CADPS2: variants seen among roughly 807,000 people sequenced by gnomAD.
The protein encoded by CADPS2 is calcium dependent secretion activator 2, also known as calcium-dependent secretion activator 2.
CADPS2 carries 93 observed loss-of-function variants against 172.5 expected under a neutral mutation model. That is an observed-to-expected ratio of 0.54 (90% CI 0.46 to 0.64). CADPS2 has a LOEUF of 0.64. Ranked by LOEUF, CADPS2 falls within the 30% of genes least tolerant of loss-of-function variation. CADPS2 has a pLI of 0.00. For missense variants in CADPS2, 1,420 were observed against 1,565.9 expected (o/e 0.91, Z 1.57); for synonymous variants, 546 against 555.2 (o/e 0.98, Z 0.23).
At chr7:122,770,882 G>A (rs891986848) in intron 1 of CADPS2, among the ~76,000 whole-genome samples, 5 of 152,198 alleles carry the variant, frequency 3.3e-5, no homozygotes, top group Non-Finnish European at 7.3e-5. Context: ...GGCGTCAAGT[G>A]ACGAAGCAGG....
At chr7:122,820,522 C>CCAAA (rs1212228515) in intron 1 of CADPS2, among the ~76,000 whole-genome samples, 2 of 143,946 alleles carry the variant, frequency 1.4e-5, no homozygotes, top group Admixed American at 1.4e-4. Flanking sequence ...GCCTTTCTGT[C>CCAAA]CAAACAACTT....
chr7:122,863,830 G>A (rs1239215502), intron 1 of CADPS2, among the ~76,000 whole-genome samples: 1 of 152,180 alleles, frequency 6.6e-6, no homozygotes, highest in Non-Finnish European at 1.5e-5. Context: ...AGGCATTTGA[G>A]AACAGCCTGG....
At chr7:122,353,998 C>T (rs908901065) in intron 27 of CADPS2, among the ~76,000 whole-genome samples, 41 of 150,956 alleles carry the variant, frequency 2.7e-4, no homozygotes, top group East Asian at 3.9e-4. Context: ...AGTCAGATTT[C>T]TTTTTTTTTC....
chr7:122,392,578 CA>C (rs1337808490), intron 22 of CADPS2, among the ~76,000 whole-genome samples: 1 of 151,984 alleles, frequency 6.6e-6, no homozygotes. Context: ...CTGCAATAGG[CA>C]AGCTCATCAT....
chr7:122,531,471 C>T (rs1425728949), intron 8 of CADPS2, among the ~76,000 whole-genome samples: 1 of 152,074 alleles, frequency 6.6e-6, no homozygotes. Flanking sequence ...TTAGTTGTTC[C>T]CACTAACTCT....
At chr7:122,832,647 T>C (rs933629202) in intron 1 of CADPS2, among the ~76,000 whole-genome samples, 2 of 152,198 alleles carry the variant, frequency 1.3e-5, no homozygotes, top group African/African-American at 2.4e-5. Context: ...CACTGAAAGG[T>C]AACAAAAGTA....
intron 2 of CADPS2, among the ~76,000 whole-genome samples, chr7:122,734,891 A>G (rs1460921357): frequency 6.6e-6 from 1 of 152,120 alleles, no homozygotes; most frequent in Non-Finnish European, 1.5e-5. Context: ...ACGACTAAAC[A>G]CTAGCTGGAA....
intron 13 of CADPS2, among the ~76,000 whole-genome samples, chr7:122,472,893 T>G (rs1211462024): frequency 6.6e-6 from 1 of 152,154 alleles, no homozygotes; most frequent in Non-Finnish European, 1.5e-5. Flanking sequence ...GTATCCCCAT[T>G]TTGATTTCAG....
intron 1 of CADPS2, among the ~76,000 whole-genome samples, chr7:122,779,083 C>T (rs1477614413): frequency 6.6e-6 from 1 of 152,204 alleles, no homozygotes; most frequent in Non-Finnish European, 1.5e-5. Flanking sequence ...TAAGATGTAC[C>T]TTCGCTTCTC....
At chr7:122,454,967 C>T (rs1346188772) in intron 14 of CADPS2, among the ~76,000 whole-genome samples, 2 of 152,154 alleles carry the variant, frequency 1.3e-5, no homozygotes, top group African/African-American at 4.8e-5. Flanking sequence ...ACTGGCCACA[C>T]ACTACTCCGA....
At chr7:122,546,973 T>C (rs1425449471) in intron 8 of CADPS2, among the ~76,000 whole-genome samples, 1 of 152,126 alleles carries the variant, frequency 6.6e-6, no homozygotes, top group Non-Finnish European at 1.5e-5. Context: ...GAAATAAATA[T>C]AGCATGACTA....
intron 8 of CADPS2, among the ~76,000 whole-genome samples, chr7:122,540,255 T>C (rs2062780520): frequency 6.6e-6 from 1 of 152,236 alleles, no homozygotes; most frequent in African/African-American, 2.4e-5. Context: ...CTAAAAAATT[T>C]AGAATACCGA....
At chr7:122,841,513 G>T (rs910566932) in intron 1 of CADPS2, among the ~76,000 whole-genome samples, 1 of 152,152 alleles carries the variant, frequency 6.6e-6, no homozygotes, top group Non-Finnish European at 1.5e-5. Context: ...ATATGCTATA[G>T]TAGTGATAAA....
At chr7:122,688,272 A>G (rs960912817) in intron 2 of CADPS2, among the ~76,000 whole-genome samples, 10 of 152,368 alleles carry the variant, frequency 6.6e-5, no homozygotes, top group African/African-American at 2.4e-4. Context: ...GAAGTAGAAA[A>G]TTCACACCAG....
At chr7:122,430,401 G>A (rs1052660858) in intron 17 of CADPS2, among the ~76,000 whole-genome samples, 8 of 152,318 alleles carry the variant, frequency 5.3e-5, no homozygotes, top group African/African-American at 7.2e-5. Context: ...GCTCTTGTCT[G>A]TGAGAAAGTC....
At chr7:122,597,213 CAGTT>C (rs1184214173) in intron 6 of CADPS2, among the ~76,000 whole-genome samples, 3 of 152,036 alleles carry the variant, frequency 2.0e-5, no homozygotes, top group African/African-American at 7.2e-5. Flanking sequence ...CATCATACGT[CAGTT>C]AAACTTTTTG....
At chr7:122,344,651 A>C (rs2037300177) in intron 28 of CADPS2, among the ~76,000 whole-genome samples, 1 of 152,234 alleles carries the variant, frequency 6.6e-6, no homozygotes, top group South Asian at 2.1e-4. Flanking sequence ...TGTTTGTTTA[A>C]CAGTAGAATA....
intron 1 of CADPS2, among the ~76,000 whole-genome samples, chr7:122,752,636 A>G (rs1261327371): frequency 6.6e-6 from 1 of 152,160 alleles, no homozygotes; most frequent in Non-Finnish European, 1.5e-5. Flanking sequence ...AACATTAGTC[A>G]TACACCCTAC....
At chr7:122,837,688 A>T (rs1350838717) in intron 1 of CADPS2, among the ~76,000 whole-genome samples, 2 of 152,376 alleles carry the variant, frequency 1.3e-5, no homozygotes, top group East Asian at 3.9e-4. Context: ...CAAGAAATGG[A>T]TAAATTCCTG....
Sources: gnomAD v4.1 joint callset for allele counts (sites outside exome capture counted in the v4.1 genomes callset) on GRCh38, gnomAD v4.1.1 for gene constraint, MANE v1.5 for transcripts, NCBI Gene and HGNC (gene_info 2026-07-23, HGNC 2026-07-21) for gene names.